HAPLN3: variants seen among roughly 807,000 people sequenced by gnomAD.
HAPLN3 encodes hyaluronan and proteoglycan link protein 3, also known as extracellular link domain containing, 1.
HAPLN3 carries 28 observed loss-of-function variants against 28.1 expected under a neutral mutation model. The ratio of observed to expected loss-of-function variants is 1.00; its 90% CI spans 0.74 to 1.37. HAPLN3 has a LOEUF of 1.37. Among genes scored for constraint, HAPLN3 ranks in the 40% most tolerant of loss-of-function variants. The probability of loss-of-function intolerance (pLI) is 0.00; values close to 1 mark genes in which losing one functional copy is unlikely to be tolerated. For synonymous variants in HAPLN3, 211 were observed against 213.1 expected (o/e 0.99, Z 0.09); for missense variants, 513 against 504.6 (o/e 1.02, Z -0.16).
chr15:88,880,152 G>T lies in HAPLN3; in HGVS notation c.494-883C>A. 1.0e-6 allele frequency: 1 copy of T among 995,308 alleles called. No homozygotes were observed. The highest frequency in any genetic ancestry group is 1.2e-6 in the Non-Finnish European group (1 of 836,374). 61.7% of individuals were successfully genotyped at this position (995,308 alleles called of 1,614,324 possible). On this transcript the variant is annotated intron_variant, in intron 3 of 4. Transcript: ENST00000359595. This position sits in a 1 kb window ranked among gnomAD's most constrained non-coding sequence, Gnocchi z 6.0. ...CAGTCAGCTTGCAGCCTCTACGTGT[G>T]TTTGCAGGGGGACTATTTCATGCCT...
rs753254658 is a variant in HAPLN3, at chr15:88,878,245, A to T, written c.808T>A (p.Tyr270Asn). 6.2e-7 allele frequency: 1 copy of T among 1,612,276 alleles called. No individual in the cohort carries two copies. The highest frequency in any genetic ancestry group is 8.5e-7 in the Non-Finnish European group (1 of 1,178,924). Residue 270 changes from tyrosine to asparagine, a missense_variant, in exon 5 of 5, where the codon TAC becomes AAC. Transcript: ENST00000359595. ...FATALKGRVY[Y>N]LEHPEKLTLT... ...GTCAGCTTCTCAGGGTGCTCCAGGT[A>T]GTACACCCGCCCTGGGGGAAAGGGG...
intron 2 of HAPLN3, 41 bp downstream of exon 2, chr15:88,887,134 C>CACCCAGG: frequency 6.2e-7 from 1 of 1,611,074 alleles, no homozygotes; most frequent in South Asian, 1.1e-5. Flanking sequence ...AGGTCTAGGT[C>CACCCAGG]ACCCAGGGGA....
intron 2 of HAPLN3, among the ~76,000 whole-genome samples, chr15:88,882,711 G>A (rs1016149271): frequency 3.3e-5 from 5 of 152,162 alleles, no homozygotes; most frequent in African/African-American, 1.2e-4. Flanking sequence ...TTTACTCAAG[G>A]TGGGGACAGG....
chr15:88,886,771 G>A (rs1446086837), intron 2 of HAPLN3, among the ~76,000 whole-genome samples: 2 of 152,206 alleles, frequency 1.3e-5, no homozygotes, highest in Non-Finnish European at 2.9e-5. Flanking sequence ...GTTGCAGTGA[G>A]CCGAGATCGT....
chr15:88,890,955 G>A (rs993389949), intron 1 of HAPLN3, among the ~76,000 whole-genome samples: 2 of 151,334 alleles, frequency 1.3e-5, no homozygotes, highest in Admixed American at 1.3e-4. Flanking sequence ...TCGGCTCACT[G>A]CAACTTCTGC....
Position 88,879,779 on chromosome 15 carries a change from G to A in HAPLN3, c.494-510C>T. The A allele has an allele frequency of 8.9e-7, 1 of 1,126,388 alleles. No individual in the cohort carries two copies. 69.8% of individuals were successfully genotyped at this position (1,126,388 alleles called of 1,614,324 possible). Reference sequence around the variant, plus strand: ...AGGCCGTGGGGAGAGGGTTGGGGAAGGGCCTTCCATAAAGGAGGCTCAAGG... The same window carrying A: ...AGGCCGTGGGGAGAGGGTTGGGGAAAGGCCTTCCATAAAGGAGGCTCAAGG... On this transcript the variant is annotated intron_variant, in intron 3 of 4. Coordinates refer to ENST00000359595, the MANE Select transcript of HAPLN3 (RefSeq NM_178232.4). This position sits in a 1 kb window ranked among gnomAD's most constrained non-coding sequence, Gnocchi z 5.0.
chr15:88,884,908 G>A (rs1897806365), intron 2 of HAPLN3, among the ~76,000 whole-genome samples: 1 of 152,188 alleles, frequency 6.6e-6, no homozygotes, highest in African/African-American at 2.4e-5. Flanking sequence ...AAGAGGCAAG[G>A]CAAGAACAGA....
rs201218521 is a variant in HAPLN3, at chr15:88,888,496, A to AT, written c.-47-1152dup. Among the ~76,000 whole-genome samples, 155 of 151,610 alleles carry AT rather than the reference A, an allele frequency of 1.0e-3. No individual in the cohort carries two copies. The highest frequency in any genetic ancestry group is 3.5e-3 in the African/African-American group (146 of 41,312). On this transcript the variant is annotated intron_variant, in intron 1 of 4. Transcript: ENST00000359595. The surrounding 1 kb of genome is among the most constrained non-coding windows in gnomAD (Gnocchi z 4.1). ...CCATGGGCTGTAGTTTGATGATTTG[A>AT]TTTTTTTTTAAATATTGTATTCAAA...
intron 2 of HAPLN3, among the ~76,000 whole-genome samples, chr15:88,886,443 C>T (rs938206385): frequency 3.3e-5 from 5 of 152,010 alleles, no homozygotes; most frequent in African/African-American, 9.7e-5. Context: ...TCTAGAAGCG[C>T]GCCCAACCCA....
In HAPLN3 at chr15:88,888,870, G is replaced by A. The variant is rs1897936380; in HGVS notation, c.-47-1525C>T. Among the ~76,000 whole-genome samples, 1 of 152,348 alleles carries A rather than the reference G, an allele frequency of 6.6e-6. No individual in the cohort carries two copies. Among genetic ancestry groups the A allele is most frequent in the East Asian group, 1.9e-4 (1 of 5,188 alleles). On this transcript the variant is annotated intron_variant, in intron 1 of 4. Coordinates refer to ENST00000359595, the MANE Select transcript of HAPLN3 (RefSeq NM_178232.4). The surrounding 1 kb of genome is among the most constrained non-coding windows in gnomAD (Gnocchi z 4.1). ...ACTACAAAGGTGCAGATGCCAGCAA[G>A]AGTCCCAAGCCTGGGGGTGCTGGGG...
rs1420590575 is a variant in HAPLN3, at chr15:88,881,926, C to A, written c.125-201G>T. On this transcript the variant is annotated intron_variant, in intron 2 of 4. Transcript: ENST00000359595. The surrounding 1 kb of genome is among the most constrained non-coding windows in gnomAD (Gnocchi z 6.0). ...TCAAGAGATGACAGTTATTCCCCCA[C>A]CCCCTTGAATCTGTGCTGGCCTTGC... is the stretch of plus-strand genomic sequence containing the variant. 6.6e-6 allele frequency among the ~76,000 whole-genome samples: 1 copy of A among 152,308 alleles called. No homozygotes were observed. The highest frequency in any genetic ancestry group is 1.5e-5 in the Non-Finnish European group (1 of 68,030).
In HAPLN3 at chr15:88,881,057, C is replaced by G. The variant is rs1897682852; in HGVS notation, c.493+300G>C. 4.7e-6 allele frequency: 2 copies of G among 429,548 alleles called. No individual in the cohort carries two copies. The highest frequency in any genetic ancestry group is 8.3e-5 in the Admixed American group (2 of 23,958). The allele number at this position is 429,548 out of a possible 1,614,324, so 26.6% of individuals were successfully genotyped here. On this transcript the variant is annotated intron_variant, in intron 3 of 4. Coordinates refer to ENST00000359595, the MANE Select transcript of HAPLN3 (RefSeq NM_178232.4). The surrounding 1 kb of genome is among the most constrained non-coding windows in gnomAD (Gnocchi z 6.0). ...GTGGGACCAGCTCTGGTTTTCCTCT[C>G]TCTGAATGAGATGTGAATTACAGCG...
chr15:88,892,576 A>T (rs759841210), intron 1 of HAPLN3, among the ~76,000 whole-genome samples: 5 of 152,140 alleles, frequency 3.3e-5, no homozygotes, highest in Non-Finnish European at 7.3e-5. Flanking sequence ...GGAGCAGCAC[A>T]CAGGCCCAAG....
intron 1 of HAPLN3, among the ~76,000 whole-genome samples, chr15:88,894,287 C>T (rs1222890971): frequency 6.6e-6 from 1 of 152,190 alleles, no homozygotes; most frequent in Non-Finnish European, 1.5e-5. Context: ...TTCAGGTTTC[C>T]TGATGACCAG....
rs1168114589 is a variant in HAPLN3 at position 88,885,461 on chromosome 15, T to G, written c.124+1714A>C. Among the ~76,000 whole-genome samples the G allele has an allele frequency of 3.7e-5, 5 of 133,420 alleles. No individual in the cohort carries two copies. The South Asian group carries it at 8.3e-4, about 22-fold the overall frequency. The allele number at this position is 133,420 out of a possible 152,430, so 87.5% of individuals were successfully genotyped here. A position where few individuals can be genotyped will look rare whatever the true frequency, so the allele number is the denominator to read the frequency against. On this transcript the variant is annotated intron_variant, in intron 2 of 4. Coordinates refer to ENST00000359595, the MANE Select transcript of HAPLN3 (RefSeq NM_178232.4). ...CGGCTAATTTTTTGTTTTTTGTGTT[T>G]TTTTTTTTTTTTTTGAGACGGAGTC...
At chr15:88,882,847 A>T (rs1185170705) in intron 2 of HAPLN3, among the ~76,000 whole-genome samples, 1 of 152,160 alleles carries the variant, frequency 6.6e-6, no homozygotes, top group Non-Finnish European at 1.5e-5. Context: ...CTACAAAAAA[A>T]TTTTTAAAAC....
rs140006318 is a variant in HAPLN3, at chr15:88,887,593, G to C, written c.-47-248C>G. On this transcript the variant is annotated intron_variant, in intron 1 of 4. Coordinates refer to ENST00000359595, the MANE Select transcript of HAPLN3 (RefSeq NM_178232.4). ...CAAAGAGACAAATCATAAGAAGGAA[G>C]TATCAGGCAGCTAAAAGCAGAGAAA... 5.6e-3 allele frequency among the ~76,000 whole-genome samples: 839 copies of C among 149,684 alleles called. 4 individuals are homozygous for C. The highest frequency in any genetic ancestry group is 0.02 in the African/African-American group (794 of 38,954).
intron 1 of HAPLN3, among the ~76,000 whole-genome samples, chr15:88,890,614 A>C (rs1472586203): frequency 6.6e-6 from 1 of 152,158 alleles, no homozygotes. Flanking sequence ...CCTCGCAGCT[A>C]GGAGAGCTAT....
At chr15:88,889,253 C>G (rs2141671996) in intron 1 of HAPLN3, among the ~76,000 whole-genome samples, 1 of 152,232 alleles carries the variant, frequency 6.6e-6, no homozygotes, top group South Asian at 2.1e-4. Flanking sequence ...CTGCCAAGAC[C>G]CTGGCTGCAT....
Sources: allele counts gnomAD v4.1 joint callset (sites outside exome capture counted in the v4.1 genomes callset), GRCh38; gene constraint gnomAD v4.1.1; non-coding constraint Gnocchi (gnomAD v3.1); transcripts MANE v1.5; gene names NCBI Gene and HGNC (gene_info 2026-07-23, HGNC 2026-07-21).